Variants in ZNF197 observed in about 807,000 individuals in gnomAD.
ZNF197 encodes the protein zinc finger protein 197.
A neutral mutation model predicts 27.4 loss-of-function variants in ZNF197; 14 were observed. The observed-to-expected ratio is 0.51, with a 90% confidence interval of 0.34 to 0.80. The LOEUF is 0.80. Among genes scored for constraint, ZNF197 ranks in the 30% least tolerant of loss-of-function variants. The pLI is 0.02. For synonymous variants in ZNF197, 415 were observed against 420.0 expected, an observed-to-expected ratio of 0.99 and a Z score of 0.15; for missense variants, 1,090 against 1,222.6, an observed-to-expected ratio of 0.89 and a Z score of 1.62.
rs1255924924 is a variant in ZNF197, at chr3:44,640,830, G to A, written c.770-1070G>A. Among the ~76,000 whole-genome samples, 1 of 152,204 alleles carries A rather than the reference G, an allele frequency of 6.6e-6. No homozygotes were observed. Among genetic ancestry groups the A allele is most frequent in the African/African-American group, 2.4e-5 (1 of 41,436 alleles). ...CTAGAGAGAAGGGCAGTTGAGATGA[G>A]ATATGAGGGCCTGACCTAAGAATGT... On this transcript the variant is annotated intron_variant, in intron 5 of 5. Transcript: ENST00000344387. The surrounding 1 kb of genome is among the most constrained non-coding windows in gnomAD (Gnocchi z 4.0).
chr3:44,635,291 G>A (rs143709587), intron 5 of ZNF197, among the ~76,000 whole-genome samples: 1,581 of 152,146 alleles, frequency 0.01, 21 homozygotes, highest in Middle Eastern at 0.027. Context: ...TGTTGTTGGG[G>A]CTTCGGGCAA....
Position 44,642,010 on chromosome 3 carries a change from G to A in ZNF197, c.880G>A (p.Val294Ile), listed in dbSNP as rs1392110373. ...SKRLQGSVPQVLDFEEECEWQ... is the reference protein window; with the variant it reads ...SKRLQGSVPQILDFEEECEWQ... ...AAGACTTCAAGGAAGTGTTCCCCAG[G>A]TCCTTGATTTTGAAGAAGAGTGTGA... is the stretch of plus-strand genomic sequence containing the variant. Residue 294 changes from valine to isoleucine, a missense_variant, in exon 6 of 6, where the codon GTC (valine) becomes ATC (isoleucine). Val to Ile is a conservative substitution (Grantham distance 29). Coordinates refer to ENST00000344387, the MANE Select transcript of ZNF197 (RefSeq NM_006991.5). 2 of 1,614,022 alleles carry A rather than the reference G, an allele frequency of 1.2e-6. No homozygotes were observed. Among genetic ancestry groups the A allele is most frequent in the Middle Eastern group, 3.3e-4 (2 of 6,062 alleles).
intron 5 of ZNF197, among the ~76,000 whole-genome samples, chr3:44,635,806 G>A (rs541809866): frequency 1.1e-3 from 167 of 152,262 alleles, no homozygotes; most frequent in African/African-American, 3.8e-3. Context: ...AAGTTTGTGT[G>A]AGCCCATAGG....
At chr3:44,635,280 ATGT>A (rs1316621428) in intron 5 of ZNF197, among the ~76,000 whole-genome samples, 5 of 152,054 alleles carry the variant, frequency 3.3e-5, no homozygotes, top group African/African-American at 1.2e-4. Flanking sequence ...GTGCACTCCG[ATGT>A]TGTTGGGGCT....
rs1173110408 is a variant in ZNF197 at position 44,648,361 on chromosome 3, GCAAAATGTT to G, written c.*4144_*4152del. 1 of 152,216 alleles carries G rather than the reference GCAAAATGTT, an allele frequency of 6.6e-6. No individual in the cohort carries two copies. The highest frequency in any genetic ancestry group is 2.4e-5 in the African/African-American group (1 of 41,466). The allele number at this position is 152,216 out of a possible 1,614,324, so 9.4% of individuals were successfully genotyped here. On this transcript the variant is annotated 3_prime_UTR_variant, in exon 6 of 6. Transcript: ENST00000344387. ...TGTATTGAGAGATCAGGCAAACATA[GCAAAATGTT>G]CATTGTTGAGTCCACATGGAAAATA...
rs771261802 is a variant in ZNF197 at position 44,643,297 on chromosome 3, G to A, written c.2167G>A (p.Val723Ile). ...KTFIMSKSFM[V>I]HQKLHTQEKA... The stretch of plus-strand genomic sequence containing the variant: ...CTTTATTATGAGCAAAAGTTTTATG[G>A]TCCATCAGAAACTCCATACACAAGA... Residue 723 changes from valine (V) to isoleucine (I), a missense_variant, in exon 6 of 6, where the codon GTC becomes ATC. By Grantham distance (29) the Val-to-Ile change is conservative. Transcript: ENST00000344387. 5.0e-6 allele frequency: 8 copies of A among 1,613,770 alleles called. No homozygotes were observed. The African/African-American group carries it at 8.0e-5, about 16-fold the overall frequency.
rs150058291 is a variant in ZNF197 at position 44,643,863 on chromosome 3, T to C, written c.2733T>C (p.Phe911=). The change falls in exon 6 of 6, where the codon TTT becomes TTC. Residue 911 remains phenylalanine, a synonymous_variant. Transcript: ENST00000344387. ...AATGTAATGAGTGTGGAAAAGACTT[T>C]AGTCAGAATAAAAACCTTGTTGTAC... is the stretch of plus-strand genomic sequence containing the variant. The part of the protein sequence containing the change: ...PYKCNECGKD[F]SQNKNLVVHQ... 1.1e-5 allele frequency: 18 copies of C among 1,613,432 alleles called. No individual in the cohort carries two copies. The African/African-American group carries it at 1.9e-4, about 17-fold the overall frequency.
In ZNF197 at chr3:44,629,520, AGACCTTGATG is replaced by A. The variant is rs745903258; in HGVS notation, c.371_380del (p.Leu124GlnfsTer19). 1 of 1,573,048 alleles carries A rather than the reference AGACCTTGATG, an allele frequency of 6.4e-7. No homozygotes were observed. The highest frequency in any genetic ancestry group is 2.2e-5 in the East Asian group (1 of 44,582). ...TGGCCCTGGTAGAGGAGCTGCAGAAAGACCTTGATGGACCAGCAATACAAGTGAGAAAGAC... is the reference window on the plus strand; with the variant it reads ...TGGCCCTGGTAGAGGAGCTGCAGAAAGACCAGCAATACAAGTGAGAAAGAC... On this transcript the variant is annotated frameshift_variant, in exon 2 of 6. Transcript: ENST00000344387. LOFTEE classifies it high-confidence loss of function.
chr3:44,637,056 T>G (rs1702335849), intron 5 of ZNF197, among the ~76,000 whole-genome samples: 1 of 152,242 alleles, frequency 6.6e-6, no homozygotes, highest in Non-Finnish European at 1.5e-5. Flanking sequence ...CTAAGTTATT[T>G]GTCTTTTTAT....
In ZNF197 at chr3:44,642,296, G is replaced by T. The variant is rs142476243; in HGVS notation, c.1166G>T (p.Arg389Leu). The T allele has an allele frequency of 1.2e-6, 2 of 1,614,070 alleles. No homozygotes were observed. The highest frequency in any genetic ancestry group is 4.5e-5 in the East Asian group (2 of 44,880). The change falls in exon 6 of 6, where the codon CGG becomes CTG. Residue 389 changes from arginine (R) to leucine (L), a missense_variant. Arg to Leu is a moderately radical substitution (Grantham distance 102). Transcript: ENST00000344387. Reference protein sequence around the residue: ...FNKISHLINHRRIHTGEKPHK... With the variant: ...FNKISHLINHLRIHTGEKPHK... The stretch of plus-strand genomic sequence containing the variant: ...AAAATCTCCCATCTTATAAACCATC[G>T]GAGAATCCACACTGGTGAGAAACCT...
chr3:44,643,781 C>T lies in ZNF197; in HGVS notation c.2651C>T (p.Thr884Ile). ...YECHVCRKVL[T>I]SSRNLMVHQR... ...TGTCATGTATGTAGGAAAGTCCTTA[C>T]CTCTAGTAGAAATCTTATGGTACAT... Residue 884 changes from threonine (T) to isoleucine (I), a missense_variant, in exon 6 of 6, where the codon ACC (threonine) becomes ATC (isoleucine). By Grantham distance (89) the Thr-to-Ile change is moderately conservative. Transcript: ENST00000344387. 2 of 1,613,974 alleles carry T rather than the reference C, an allele frequency of 1.2e-6. No homozygotes were observed. The highest frequency in any genetic ancestry group is 8.5e-7 in the Non-Finnish European group (1 of 1,180,032).
At position 44,631,203 on chromosome 3, in the gene ZNF197, C is replaced by T. The variant is rs1280688279; in HGVS notation, c.532C>T (p.Leu178Phe). 3 of 1,614,016 alleles carry T rather than the reference C, an allele frequency of 1.9e-6. No individual in the cohort carries two copies. Among genetic ancestry groups the T allele is most frequent in the African/African-American group, 1.3e-5 (1 of 74,922 alleles). Residue 178 changes from leucine to phenylalanine, a missense_variant, in exon 3 of 6, where the codon CTC (leucine) becomes TTC (phenylalanine). By Grantham distance (22) the Leu-to-Phe change is conservative (BLOSUM62 0). Coordinates refer to ENST00000344387, the MANE Select transcript of ZNF197 (RefSeq NM_006991.5). Reference sequence around the variant, plus strand: ...TCCTACTGACCTAGTGGCATTCAACCTCCAGGATCCTCAGCATGGTATTTA... The same window carrying T: ...TCCTACTGACCTAGTGGCATTCAACTTCCAGGATCCTCAGCATGGTATTTA... ...HPPTDLVAFN[L>F]QDPQHDSPAP...
rs760708660 is a variant in ZNF197 at position 44,629,647 on chromosome 3, C to T, written c.390+103C>T. On this transcript the variant is annotated intron_variant, in intron 2 of 5. Coordinates refer to ENST00000344387, the MANE Select transcript of ZNF197 (RefSeq NM_006991.5). ...TGTGATTTTCATTAAAAATTAATAG[C>T]ATTAATAGCACACTAGCAACCTTAA... is the stretch of plus-strand genomic sequence containing the variant. 2.2e-6 allele frequency: 3 copies of T among 1,360,388 alleles called. No homozygotes were observed. In the Admixed American group the frequency reaches 8.9e-5, roughly 41 times the overall value. The allele number at this position is 1,360,388 out of a possible 1,614,324, so 84.3% of individuals were successfully genotyped here.
chr3:44,639,079 T>A (rs1466385838), intron 5 of ZNF197, among the ~76,000 whole-genome samples: 2 of 152,228 alleles, frequency 1.3e-5, no homozygotes, highest in African/African-American at 4.8e-5. Context: ...ATTGTCATGA[T>A]GATGTGGTTT....
intron 5 of ZNF197, among the ~76,000 whole-genome samples, chr3:44,636,463 A>T (rs530086381): frequency 1.1e-4 from 17 of 152,338 alleles, no homozygotes; most frequent in Non-Finnish European, 2.4e-4. Flanking sequence ...AACATTTCAT[A>T]TAAATGGAAT....
In ZNF197 at chr3:44,642,516, C is replaced by T. The variant is rs766019741; in HGVS notation, c.1386C>T (p.Gly462=). The T allele has an allele frequency of 5.0e-6, 8 of 1,614,008 alleles. No homozygotes were observed. The South Asian group carries it at 8.8e-5, about 18-fold the overall frequency. ...KPYKCKECGK[G]FYRHSGLIIH... Reference sequence around the variant, plus strand: ...ATAAGTGTAAGGAGTGTGGAAAGGGCTTCTATAGGCACTCAGGCCTAATTA... The same window carrying T: ...ATAAGTGTAAGGAGTGTGGAAAGGGTTTCTATAGGCACTCAGGCCTAATTA... The change falls in exon 6 of 6, where the codon GGC becomes GGT. Residue 462 remains glycine (G), a synonymous_variant. Coordinates refer to ENST00000344387, the MANE Select transcript of ZNF197 (RefSeq NM_006991.5).
At position 44,648,447 on chromosome 3, in the gene ZNF197, A is replaced by G. The variant is rs1350737693; in HGVS notation, c.*4227A>G. 1 of 152,224 alleles carries G rather than the reference A, an allele frequency of 6.6e-6. No individual in the cohort carries two copies. Among genetic ancestry groups the G allele is most frequent in the Admixed American group, 6.5e-5 (1 of 15,284 alleles). The allele number at this position is 152,224 out of a possible 1,614,324, so 9.4% of individuals were successfully genotyped here. On this transcript the variant is annotated 3_prime_UTR_variant, in exon 6 of 6. Coordinates refer to ENST00000344387, the MANE Select transcript of ZNF197 (RefSeq NM_006991.5). Reference sequence around the variant, plus strand: ...ACTCTTCTGTACTCTGATATTTTCAAAATAAAACATTTGAGGGGAAATTAT... The same window carrying G: ...ACTCTTCTGTACTCTGATATTTTCAGAATAAAACATTTGAGGGGAAATTAT...
chr3:44,635,068 T>C (rs1292907913), intron 5 of ZNF197, among the ~76,000 whole-genome samples: 1 of 151,744 alleles, frequency 6.6e-6, no homozygotes, highest in African/African-American at 2.4e-5. Context: ...TAAAATAGAC[T>C]ATATGGATTA....
At position 44,629,551 on chromosome 3, in the gene ZNF197, A is replaced by C; in HGVS notation, c.390+7A>C. ...TGATGGACCAGCAATACAAGTGAGA[A>C]AGACAGGGAGGGGCGGTGGGTGTTG... On this transcript the variant is annotated splice_region_variant and intron_variant, in intron 2 of 5. Coordinates refer to ENST00000344387, the MANE Select transcript of ZNF197 (RefSeq NM_006991.5). The C allele has an allele frequency of 1.3e-6, 2 of 1,542,754 alleles. No individual in the cohort carries two copies. The highest frequency in any genetic ancestry group is 1.7e-6 in the Non-Finnish European group (2 of 1,146,290).
Sources: gnomAD v4.1 joint callset for allele counts (sites outside exome capture counted in the v4.1 genomes callset) on GRCh38, gnomAD v4.1.1 for gene constraint, Gnocchi (gnomAD v3.1) non-coding constraint, MANE v1.5 for transcripts, NCBI Gene and HGNC (gene_info 2026-07-23, HGNC 2026-07-21) for gene names.